Variants in BEND5 observed in about 807,000 individuals in gnomAD.
BEND5 encodes BEN domain-containing protein 5.
A neutral mutation model predicts 43.9 loss-of-function variants in BEND5; 22 were observed. The observed-to-expected ratio is 0.50, with a 90% confidence interval of 0.36 to 0.72. The LOEUF (loss-of-function observed/expected upper bound fraction) is 0.72, where lower values mean the gene tolerates loss of function less well. Among genes scored for constraint, BEND5 ranks in the 30% least tolerant of loss-of-function variants. The pLI, the probability that BEND5 is intolerant of heterozygous loss-of-function variation, is 0.00. For synonymous variants in BEND5, 228 were observed against 225.9 expected (o/e 1.01, Z -0.08); for missense variants, 428 against 550.6 (o/e 0.78, Z 2.23).
Position 48,736,523 on chromosome 1 carries a change from T to C in BEND5, c.895-71A>G, listed in dbSNP as rs1649086895. On this transcript the variant is annotated intron_variant, in intron 4 of 5. Transcript: ENST00000371833. This position sits in a 1 kb window ranked among gnomAD's most constrained non-coding sequence, Gnocchi z 4.0. ...GCAGTGGGAGGCTTCTCTTGTCCTT[T>C]AAAAAGCATTGCTGCACAACTGTAA... 1.6e-6 allele frequency: 2 copies of C among 1,287,062 alleles called. No individual in the cohort carries two copies. Among genetic ancestry groups the C allele is most frequent in the Admixed American group, 1.8e-5 (1 of 54,714 alleles). 79.7% of individuals were successfully genotyped at this position (1,287,062 alleles called of 1,614,324 possible). A position where few individuals can be genotyped will look rare whatever the true frequency, so the allele number is the denominator to read the frequency against.
At chr1:48,729,814 T>A (rs555373909) in intron 5 of BEND5, among the ~76,000 whole-genome samples, 1 of 152,172 alleles carries the variant, frequency 6.6e-6, no homozygotes, top group African/African-American at 2.4e-5. Context: ...AAGCTTTTAA[T>A]TGACCTCGAC....
At position 48,740,884 on chromosome 1, in the gene BEND5, T is replaced by C. The variant is rs1047435500; in HGVS notation, c.894+1739A>G. On this transcript the variant is annotated intron_variant, in intron 4 of 5. Coordinates refer to ENST00000371833, the MANE Select transcript of BEND5 (RefSeq NM_024603.4). The stretch of plus-strand genomic sequence containing the variant: ...CCTTTCCTCTGCATTTAAAACTCTC[T>C]CTGCCTGACTACCAATTAGGTGCAA... Among the ~76,000 whole-genome samples the C allele has an allele frequency of 5.3e-5, 8 of 152,336 alleles. No individual in the cohort carries two copies. In the East Asian group the frequency reaches 5.8e-4, roughly 11 times the overall value.
At chr1:48,776,560 CAG>C in intron 1 of BEND5, 44 bp downstream of exon 1, 3 of 1,336,770 alleles carry the variant, frequency 2.2e-6, no homozygotes, top group Non-Finnish European at 1.9e-6. Flanking sequence ...CCCGGGGTCC[CAG>C]CCCCCGCCCG....
chr1:48,770,764 ACAT>A (rs1474388660), intron 1 of BEND5, among the ~76,000 whole-genome samples: 1 of 152,116 alleles, frequency 6.6e-6, no homozygotes, highest in Non-Finnish European at 1.5e-5. Flanking sequence ...CCAGATCACC[ACAT>A]CATCATCATA....
chr1:48,763,479 T>G (rs1430652305), intron 1 of BEND5, among the ~76,000 whole-genome samples: 1 of 152,126 alleles, frequency 6.6e-6, no homozygotes. Flanking sequence ...TTTGTGTGTG[T>G]GTATGTGTGT....
chr1:48,766,843 A>C (rs1312221260), intron 1 of BEND5, among the ~76,000 whole-genome samples: 1 of 152,248 alleles, frequency 6.6e-6, no homozygotes, highest in East Asian at 1.9e-4. Context: ...TTCTGCAGGC[A>C]GTGAACATTT....
chr1:48,763,411 CTAAAATG>C (rs553804517), intron 1 of BEND5, among the ~76,000 whole-genome samples: 5 of 151,996 alleles, frequency 3.3e-5, no homozygotes, highest in Non-Finnish European at 7.4e-5. Flanking sequence ...CAAAAGGCTG[CTAAAATG>C]TAAAATCTAA....
chr1:48,766,698 G>T (rs1489587253), intron 1 of BEND5, among the ~76,000 whole-genome samples: 1 of 152,180 alleles, frequency 6.6e-6, no homozygotes, highest in Non-Finnish European at 1.5e-5. Flanking sequence ...CTGCCTCCAT[G>T]CTTGGCCAGG....
In BEND5 at chr1:48,730,728, C is replaced by T. The variant is rs117505472; in HGVS notation, c.1109-2685G>A. On this transcript the variant is annotated intron_variant, in intron 5 of 5. Transcript: ENST00000371833. ...CTAGATATTAATCACCTGCAGTTGCCGGGAATGTCTCCCTCTGCGAGGGAG... is the reference window on the plus strand; with the variant it reads ...CTAGATATTAATCACCTGCAGTTGCTGGGAATGTCTCCCTCTGCGAGGGAG... 7.7e-3 allele frequency among the ~76,000 whole-genome samples: 1,170 copies of T among 152,154 alleles called. 16 individuals are homozygous for T. The highest frequency in any genetic ancestry group is 0.026 in the East Asian group (133 of 5,172).
intron 4 of BEND5, among the ~76,000 whole-genome samples, chr1:48,738,470 G>A (rs1481834480): frequency 6.6e-6 from 1 of 152,176 alleles, no homozygotes; most frequent in Non-Finnish European, 1.5e-5. Context: ...TCCGCAGTTC[G>A]AACTGCAGGT....
chr1:48,775,124 C>T (rs1433747588), intron 1 of BEND5, among the ~76,000 whole-genome samples: 1 of 152,200 alleles, frequency 6.6e-6, no homozygotes, highest in African/African-American at 2.4e-5. Flanking sequence ...TGAATGGTTC[C>T]CTTTTCTAAA....
intron 4 of BEND5, among the ~76,000 whole-genome samples, chr1:48,740,841 T>A (rs1649807001): frequency 6.6e-6 from 1 of 152,190 alleles, no homozygotes; most frequent in Non-Finnish European, 1.5e-5. Flanking sequence ...GCTGCCATCA[T>A]TTCCAGTGCG....
chr1:48,738,018 T>C (rs1261054644), intron 4 of BEND5, among the ~76,000 whole-genome samples: 1 of 152,218 alleles, frequency 6.6e-6, no homozygotes, highest in Non-Finnish European at 1.5e-5. Flanking sequence ...TCTAAGAGAC[T>C]GGATGCATAC....
At chr1:48,771,974 G>C (rs1644859120) in intron 1 of BEND5, among the ~76,000 whole-genome samples, 1 of 152,196 alleles carries the variant, frequency 6.6e-6, no homozygotes, top group Non-Finnish European at 1.5e-5. Flanking sequence ...GCAGGTTTCT[G>C]TTCTGAAAAA....
At chr1:48,740,291 C>A (rs1021643613) in intron 4 of BEND5, among the ~76,000 whole-genome samples, 36 of 152,292 alleles carry the variant, frequency 2.4e-4, no homozygotes, top group African/African-American at 8.7e-4. Context: ...GCAGAACAGA[C>A]TGGTGAGAGT....
In BEND5 at chr1:48,764,173, T is replaced by C. The variant is rs912242449; in HGVS notation, c.227-2703A>G. On this transcript the variant is annotated intron_variant, in intron 1 of 5. Coordinates refer to ENST00000371833, the MANE Select transcript of BEND5 (RefSeq NM_024603.4). ...TAACTGCTAAAGGATTTTAGGAGCA[T>C]GGGAGATCACTTCCGTCAGTGTAAC... 4.6e-5 allele frequency among the ~76,000 whole-genome samples: 7 copies of C among 152,210 alleles called. No homozygotes were observed. In the South Asian group the frequency reaches 1.0e-3, roughly 23 times the overall value.
intron 2 of BEND5, among the ~76,000 whole-genome samples, chr1:48,759,936 A>T (rs1219981949): frequency 6.6e-6 from 1 of 152,204 alleles, no homozygotes; most frequent in African/African-American, 2.4e-5. Context: ...ACTCAACTGA[A>T]AAGTTCAAAG....
In BEND5 at chr1:48,759,046, A is replaced by G; in HGVS notation, c.599T>C (p.Leu200Pro). ...CCGAGTCCGCTCCAGCTCCTGCTGG[A>G]GGTGGCGCATCTCTTCCTGTTGCTG... The part of the protein sequence containing the change: ...YQQQQEEMRH[L>P]QQELERTRRQ... The change falls in exon 3 of 6, where the codon CTC (leucine) becomes CCC (proline). Residue 200 changes from leucine to proline, a missense_variant. Physicochemically the swap from Leu to Pro is moderately conservative, Grantham distance 98. Transcript: ENST00000371833. The G allele has an allele frequency of 6.2e-7, 1 of 1,613,834 alleles. No individual in the cohort carries two copies. The highest frequency in any genetic ancestry group is 8.5e-7 in the Non-Finnish European group (1 of 1,179,950).
At position 48,759,083 on chromosome 1, in the gene BEND5, G is replaced by A. The variant is rs776357116; in HGVS notation, c.562C>T (p.Arg188Cys). 1.1e-5 allele frequency: 17 copies of A among 1,612,270 alleles called. No individual in the cohort carries two copies. The highest frequency in any genetic ancestry group is 1.4e-5 in the Non-Finnish European group (16 of 1,179,206). ...TCTTCCTGTTGCTGCTGGTAGTTGC[G>A]CAGCAGCTCCTCATACAGAGCCCGG... ...VPRALYEELL[R>C]NYQQQQEEMR... is the part of the protein sequence containing the mutation. Residue 188 changes from arginine (R) to cysteine (C), a missense_variant, in exon 3 of 6, where the codon CGC (arginine) becomes TGC (cysteine). This residue lies in a region of BEND5 where 243 missense variants were observed against 286.4 expected (regional missense o/e 0.85). Coordinates refer to ENST00000371833, the MANE Select transcript of BEND5 (RefSeq NM_024603.4).
Sources: gnomAD v4.1 joint callset for allele counts (sites outside exome capture counted in the v4.1 genomes callset) on GRCh38, gnomAD v4.1.1 for gene constraint, gnomAD v4.1.1 regional missense constraint, Gnocchi (gnomAD v3.1) non-coding constraint, MANE v1.5 for transcripts, NCBI Gene and HGNC (gene_info 2026-07-23, HGNC 2026-07-21) for gene names.